Variants in WDR64 observed in about 807,000 individuals in gnomAD.
WDR64 encodes WD repeat-containing protein 64.
WDR64 carries 112 observed loss-of-function variants against 139.3 expected under a neutral mutation model. The ratio of observed to expected loss-of-function variants is 0.80; its 90% CI spans 0.69 to 0.94. The LOEUF (loss-of-function observed/expected upper bound fraction) is 0.94, where lower values mean the gene tolerates loss of function less well. Among genes scored for constraint, WDR64 ranks in the 40% least tolerant of loss-of-function variants. The probability of loss-of-function intolerance (pLI) is 0.00; values close to 1 mark genes in which losing one functional copy is unlikely to be tolerated. For synonymous variants in WDR64, 444 were observed against 437.7 expected (o/e 1.01, Z -0.18); for missense variants, 1,206 against 1,293.1 (o/e 0.93, Z 1.03).
At chr1:241,795,109 CACATCTAAT>C (rs1231656704) in intron 25 of WDR64, 89 bp from the exon 26 acceptor site, 7 of 931,196 alleles carry the variant, frequency 7.5e-6, no homozygotes, top group African/African-American at 1.7e-5. Context: ...CTTAAGATCA[CACATCTAAT>C]AAGTGACAGA....
In WDR64 at chr1:241,679,465, A is replaced by C. The variant is rs561092234; in HGVS notation, c.514-20A>C. 29 of 1,546,978 alleles carry C rather than the reference A, an allele frequency of 1.9e-5. No homozygotes were observed. Among genetic ancestry groups the C allele is most frequent in the Non-Finnish European group, 2.4e-5 (27 of 1,142,542 alleles). ...TGAAGGAAATGCATTATATCCCCCA[A>C]TTCTCTGCTTTTCTATCAGGACACC... On this transcript the variant is annotated intron_variant, in intron 5 of 27. Coordinates refer to ENST00000437684, the MANE Select transcript of WDR64 (RefSeq NM_001367482.1).
intron 2 of WDR64, among the ~76,000 whole-genome samples, chr1:241,661,606 C>G (rs1006071408): frequency 3.9e-5 from 6 of 152,008 alleles, no homozygotes; most frequent in African/African-American, 9.7e-5. Context: ...TGTCAGGGAA[C>G]TATAAGACAA....
rs112662523 is a variant in WDR64, at chr1:241,801,297, A to G, written c.*82A>G. 1 of 1,182,384 alleles carries G rather than the reference A, an allele frequency of 8.5e-7. No individual in the cohort carries two copies. 73.2% of individuals were successfully genotyped at this position (1,182,384 alleles called of 1,614,324 possible). A position where few individuals can be genotyped will look rare whatever the true frequency, so the allele number is the denominator to read the frequency against. ...TGCTCTTTATTTCAGGATGAGAGGG[A>G]GAAACCACCAGACACTATCAGTCAT... On this transcript the variant is annotated 3_prime_UTR_variant, in exon 28 of 28. Transcript: ENST00000437684.
intron 7 of WDR64, among the ~76,000 whole-genome samples, chr1:241,684,572 A>G (rs1191393255): frequency 6.6e-6 from 1 of 152,220 alleles, no homozygotes; most frequent in African/African-American, 2.4e-5. Flanking sequence ...GAAATGATTA[A>G]AAATGGGGAA....
At chr1:241,715,554 G>GC in intron 9 of WDR64, among the ~76,000 whole-genome samples, 1 of 152,290 alleles carries the variant, frequency 6.6e-6, no homozygotes, top group East Asian at 1.9e-4. Flanking sequence ...TGTCGCCGTT[G>GC]CATGTCTTTA....
chr1:241,776,656 A>G (rs1365812864), intron 21 of WDR64, among the ~76,000 whole-genome samples: 1 of 152,196 alleles, frequency 6.6e-6, no homozygotes, highest in Non-Finnish European at 1.5e-5. Context: ...TTTACAGAAA[A>G]CTTGTAGAGA....
At chr1:241,699,689 G>T (rs935695367) in intron 8 of WDR64, among the ~76,000 whole-genome samples, 1 of 152,114 alleles carries the variant, frequency 6.6e-6, no homozygotes, top group Admixed American at 6.5e-5. Flanking sequence ...TAGCAGAGTG[G>T]ATAAATAGAC....
chr1:241,722,450 G>GA (rs1668644742), intron 9 of WDR64, among the ~76,000 whole-genome samples: 1 of 151,790 alleles, frequency 6.6e-6, no homozygotes, highest in Non-Finnish European at 1.5e-5. Context: ...AATCCAAAAG[G>GA]AAAAAAAGAC....
intron 6 of WDR64, among the ~76,000 whole-genome samples, chr1:241,682,983 A>T (rs1666868156): frequency 6.6e-6 from 1 of 152,228 alleles, no homozygotes; most frequent in Non-Finnish European, 1.5e-5. Flanking sequence ...GAAGAGCAAT[A>T]GCTGTATAGC....
intron 20 of WDR64, among the ~76,000 whole-genome samples, chr1:241,774,381 T>A (rs901036015): frequency 1.3e-5 from 2 of 152,220 alleles, no homozygotes; most frequent in African/African-American, 4.8e-5. Context: ...ATGCCCTTTT[T>A]CTTTCTAATA....
chr1:241,672,422 G>A (rs1347405558), intron 3 of WDR64, among the ~76,000 whole-genome samples: 1 of 152,182 alleles, frequency 6.6e-6, no homozygotes, highest in Non-Finnish European at 1.5e-5. Flanking sequence ...GTCTATGTTA[G>A]GGCTTTGCAA....
intron 8 of WDR64, among the ~76,000 whole-genome samples, chr1:241,701,383 A>T (rs1667706243): frequency 6.6e-6 from 1 of 152,202 alleles, no homozygotes; most frequent in Non-Finnish European, 1.5e-5. Flanking sequence ...AAATATTTGT[A>T]AGTTACGTAA....
At chr1:241,785,552 A>G (rs529506712) in intron 23 of WDR64, among the ~76,000 whole-genome samples, 76 of 152,210 alleles carry the variant, frequency 5.0e-4, no homozygotes, top group Non-Finnish European at 8.1e-4. Context: ...CATTCACGCC[A>G]TAGCACTGCT....
chr1:241,653,533 C>A (rs188700304), intron 1 of WDR64, among the ~76,000 whole-genome samples: 112 of 111,936 alleles, frequency 1.0e-3, no homozygotes, highest in Non-Finnish European at 1.6e-3. Context: ...AAATTCTTTT[C>A]TTTTCTTTTC....
rs1037901964 is a variant in WDR64, at chr1:241,724,224, A to G, written c.1194+788A>G. Among the ~76,000 whole-genome samples the G allele has an allele frequency of 2.0e-5, 3 of 152,292 alleles. 1 individual carries two copies. In the South Asian group the frequency reaches 6.2e-4, roughly 32 times the overall value. ...TATTCTCCATCAGTTTAATATATTT[A>G]TTTATTGCTAGTCAGAATTACTTAA... On this transcript the variant is annotated intron_variant, in intron 10 of 27. Coordinates refer to ENST00000437684, the MANE Select transcript of WDR64 (RefSeq NM_001367482.1).
chr1:241,790,528 T>C (rs1421053634), intron 24 of WDR64, 63 bp from the exon 25 acceptor site: 1 of 1,370,072 alleles, frequency 7.3e-7, no homozygotes, highest in Admixed American at 2.1e-5. Context: ...TAATGGATCT[T>C]TGTTTAGTTG....
intron 10 of WDR64, among the ~76,000 whole-genome samples, chr1:241,734,684 C>T (rs1669225503): frequency 6.6e-6 from 1 of 151,788 alleles, no homozygotes; most frequent in Non-Finnish European, 1.5e-5. Flanking sequence ...GGTTCTTCCC[C>T]CGAGAGTTAT....
chr1:241,787,760 C>T (rs1030526581), intron 23 of WDR64, 89 bp from the exon 24 acceptor site: 19 of 1,153,314 alleles, frequency 1.6e-5, no homozygotes, highest in African/African-American at 4.8e-5. Context: ...GATGGACCAG[C>T]GCTAATTTAC....
chr1:241,770,984 A>T (rs769325963), intron 18 of WDR64, among the ~76,000 whole-genome samples: 36 of 152,200 alleles, frequency 2.4e-4, no homozygotes, highest in Non-Finnish European at 3.8e-4. Flanking sequence ...TTTGATACTT[A>T]AAAAGTAAGT....
Sources: gnomAD v4.1 joint callset for allele counts (sites outside exome capture counted in the v4.1 genomes callset) on GRCh38, gnomAD v4.1.1 for gene constraint, MANE v1.5 for transcripts, NCBI Gene and HGNC (gene_info 2026-07-23, HGNC 2026-07-21) for gene names.